Variants in SLC7A6 observed in about 807,000 individuals in gnomAD.
SLC7A6 encodes the protein Y+L amino acid transporter 2.
In SLC7A6, 29 loss-of-function variants were observed where a neutral mutation model predicts 46.6. The ratio of observed to expected loss-of-function variants is 0.62; its 90% CI spans 0.46 to 0.85. The LOEUF (loss-of-function observed/expected upper bound fraction) is 0.85. SLC7A6 is among the 40% of genes least tolerant of loss of function. The pLI, the probability that SLC7A6 is intolerant of heterozygous loss-of-function variation, is 0.00. For missense variants in SLC7A6, 527 were observed against 647.6 expected (o/e 0.81, Z 2.02); for synonymous variants, 276 against 257.3 (o/e 1.07, Z -0.70).
chr16:68,287,881 G>C lies in SLC7A6; in HGVS notation c.649+10G>C, dbSNP rs1223470197. ...GTTAAACTGTGCCAGGGTAAGTGGT[G>C]GGAAGGGGGGTACCACCAACAGTTC... On this transcript the variant is annotated intron_variant, in intron 4 of 10. Transcript: ENST00000219343. 1 of 1,612,596 alleles carries C rather than the reference G, an allele frequency of 6.2e-7. No individual in the cohort carries two copies. The highest frequency in any genetic ancestry group is 1.7e-5 in the Admixed American group (1 of 59,902).
In SLC7A6 at chr16:68,291,541, CT is replaced by C. The variant is rs754840129; in HGVS notation, c.919-16del. Reference sequence around the variant, plus strand: ...AACCCTGTGCGTTTAAGTGCCTTTTCTGTGCCCTGCCCCCAGACATTTGCTG... The same window carrying C: ...AACCCTGTGCGTTTAAGTGCCTTTTCGTGCCCTGCCCCCAGACATTTGCTG... On this transcript the variant is annotated splice_polypyrimidine_tract_variant and intron_variant, in intron 6 of 10. Transcript: ENST00000219343. 1.9e-6 allele frequency: 3 copies of C among 1,613,566 alleles called. No individual in the cohort carries two copies. Among genetic ancestry groups the C allele is most frequent in the Admixed American group, 3.3e-5 (2 of 59,994 alleles).
rs2043275801 is a variant in SLC7A6, at chr16:68,301,521, C to T, written c.*4193C>T. 1 of 770,682 alleles carries T rather than the reference C, an allele frequency of 1.3e-6. No individual in the cohort carries two copies. The highest frequency in any genetic ancestry group is 1.8e-5 in the African/African-American group (1 of 55,694). The allele number at this position is 770,682 out of a possible 1,614,324, so 47.7% of individuals were successfully genotyped here. A position where few individuals can be genotyped will look rare whatever the true frequency, so the allele number is the denominator to read the frequency against. ...TCCCGATTGTAATGCAAAATCCTTG[C>T]TCAATAAATAAAAAAGAATATAGAA... On this transcript the variant is annotated 3_prime_UTR_variant, in exon 11 of 11. Coordinates refer to ENST00000219343, the MANE Select transcript of SLC7A6 (RefSeq NM_003983.6).
Position 68,291,645 on chromosome 16 carries a change from A to G in SLC7A6, c.1006A>G (p.Ile336Val). The G allele has an allele frequency of 1.2e-6, 2 of 1,614,010 alleles. No homozygotes were observed. Among genetic ancestry groups the G allele is most frequent in the South Asian group, 1.1e-5 (1 of 91,066 alleles). Residue 336 changes from isoleucine (I) to valine (V), a missense_variant, in exon 7 of 11, where the codon ATC (isoleucine) becomes GTC (valine). By Grantham distance (29) the Ile-to-Val change is conservative. Coordinates refer to ENST00000219343, the MANE Select transcript of SLC7A6 (RefSeq NM_003983.6). ...CTGCTTTGGGGGCCTCAATGCATCC[A>G]TCTTTGCTTCATCAAGGTACTGTGT... ...LSCFGGLNASIFASSRLFFVG... is the reference protein window; with the variant it reads ...LSCFGGLNASVFASSRLFFVG...
rs765068796 is a variant in SLC7A6 at position 68,290,536 on chromosome 16, G to C, written c.790G>C (p.Glu264Gln). The change falls in exon 5 of 11, where the codon GAA becomes CAA. Residue 264 changes from glutamate (E) to glutamine (Q), a missense_variant. Coordinates refer to ENST00000219343, the MANE Select transcript of SLC7A6 (RefSeq NM_003983.6). ...TGTAACAGAAGAAATCAAAAACCCA[G>C]AAAGGTAAAGATGGGATCACACTCT... ...NFVTEEIKNP[E>Q]RNLPLAIGIS... The C allele has an allele frequency of 6.2e-7, 1 of 1,614,130 alleles. No homozygotes were observed. The highest frequency in any genetic ancestry group is 1.7e-5 in the Admixed American group (1 of 60,016).
chr16:68,274,654 T>C, intron 2 of SLC7A6, 37 bp from the exon 3 acceptor site: 1 of 1,561,370 alleles, frequency 6.4e-7, no homozygotes, highest in South Asian at 1.2e-5. Context: ...CCTCACCAGC[T>C]CCTGCCCTAG....
intron 2 of SLC7A6, among the ~76,000 whole-genome samples, chr16:68,267,593 A>G (rs1056625321): frequency 6.6e-6 from 1 of 152,230 alleles, no homozygotes; most frequent in Non-Finnish European, 1.5e-5. Flanking sequence ...AGAGGGGGGA[A>G]TAAAAAGATT....
rs369041629 is a variant in SLC7A6, at chr16:68,294,711, C to G, written c.1029C>G (p.Phe343Leu). 6 of 1,612,104 alleles carry G rather than the reference C, an allele frequency of 3.7e-6. No individual in the cohort carries two copies. The African/African-American group carries it at 8.0e-5, about 22-fold the overall frequency. ...NASIFASSRL[F>L]FVGSREGHLP... ...ACATTTCTCATCCTTCTAGGTTGTT[C>G]TTCGTGGGCTCCCGGGAGGGCCACC... The change falls in exon 8 of 11, where the codon TTC becomes TTG. Residue 343 changes from phenylalanine to leucine, a missense_variant. Physicochemically the swap from Phe to Leu is conservative, Grantham distance 22. Transcript: ENST00000219343.
At chr16:68,278,535 A>AGCATGCTGCCTTCG (rs2042761717) in intron 3 of SLC7A6, among the ~76,000 whole-genome samples, 4 of 151,006 alleles carry the variant, frequency 2.6e-5, no homozygotes, top group Admixed American at 2.6e-4. Flanking sequence ...TGCTGCCTTC[A>AGCATGCTGCCTTCG]AGCATCTGTT....
intron 10 of SLC7A6, 148 bp from the exon 11 acceptor site, chr16:68,297,086 G>A (rs74024440): frequency 0.047 from 35,089 of 740,620 alleles, 1,098 homozygotes; most frequent in Middle Eastern, 0.12. Flanking sequence ...GGATGATGAG[G>A]CTTGTTGGGA....
At chr16:68,277,466 C>T (rs1426240933) in intron 3 of SLC7A6, among the ~76,000 whole-genome samples, 10 of 151,328 alleles carry the variant, frequency 6.6e-5, no homozygotes, top group Admixed American at 6.6e-5. Context: ...CGCCCGCCAC[C>T]GTGCCCGGCT....
chr16:68,271,312 T>C (rs947694790), intron 2 of SLC7A6, among the ~76,000 whole-genome samples: 9 of 152,188 alleles, frequency 5.9e-5, no homozygotes, highest in African/African-American at 1.9e-4. Context: ...TTGTGCTTTT[T>C]GTTGTTTGTT....
At position 68,290,401 on chromosome 16, in the gene SLC7A6, T is replaced by C; in HGVS notation, c.655T>C (p.Ser219Pro). Reference sequence around the variant, plus strand: ...ACCTGCCTTTGCCCCCACAGGACACTCTGAGCACTTTCAGGACGCCTTTGA... The same window carrying C: ...ACCTGCCTTTGCCCCCACAGGACACCCTGAGCACTTTCAGGACGCCTTTGA... ...MGLVKLCQGH[S>P]EHFQDAFEGS... Residue 219 changes from serine to proline, a missense_variant, in exon 5 of 11, where the codon TCT becomes CCT. Physicochemically the swap from Ser to Pro is moderately conservative, Grantham distance 74. Coordinates refer to ENST00000219343, the MANE Select transcript of SLC7A6 (RefSeq NM_003983.6). 1 of 1,614,078 alleles carries C rather than the reference T, an allele frequency of 6.2e-7. No homozygotes were observed. The highest frequency in any genetic ancestry group is 8.5e-7 in the Non-Finnish European group (1 of 1,180,008).
intron 8 of SLC7A6, among the ~76,000 whole-genome samples, chr16:68,295,651 CTT>C (rs1296575795): frequency 6.6e-6 from 1 of 152,168 alleles, no homozygotes; most frequent in East Asian, 1.9e-4. Flanking sequence ...GTTTTAAATC[CTT>C]TGTTGATAAT....
At chr16:68,268,713 A>T (rs1175162904) in intron 2 of SLC7A6, among the ~76,000 whole-genome samples, 3 of 152,162 alleles carry the variant, frequency 2.0e-5, no homozygotes, top group Admixed American at 6.5e-5. Context: ...ATTTTTAAAA[A>T]TTTTTTTGTT....
chr16:68,265,551 C>A (rs1009600604), intron 1 of SLC7A6: 1 of 152,138 alleles, frequency 6.6e-6, no homozygotes, highest in Non-Finnish European at 1.5e-5. Flanking sequence ...TCTCTCAGAA[C>A]TGCTCCCAGA....
rs1459009004 is a variant in SLC7A6, at chr16:68,298,828, C to T, written c.*1500C>T. 6.6e-6 allele frequency: 1 copy of T among 152,548 alleles called. No individual in the cohort carries two copies. The highest frequency in any genetic ancestry group is 1.5e-5 in the Non-Finnish European group (1 of 68,130). 9.4% of individuals were successfully genotyped at this position (152,548 alleles called of 1,614,324 possible). On this transcript the variant is annotated 3_prime_UTR_variant, in exon 11 of 11. Transcript: ENST00000219343. ...TTGTACAACTGTTTTGTGATGCCCC[C>T]AGACACTGTCATCCTGGGCCGAGAA...
In SLC7A6 at chr16:68,291,301, C is replaced by A; in HGVS notation, c.887C>A (p.Ser296Ter). Residue 296 changes from serine to a stop codon, truncating the protein, a stop_gained, in exon 6 of 11, where the codon TCA (serine) becomes TAA (stop). Transcript: ENST00000219343. LOFTEE classifies it high-confidence loss of function. ...NVAYYTVLNISDVLSSDAVAV... is the reference protein window; with the variant it reads ...NVAYYTVLNI Reference sequence around the variant, plus strand: ...GCCTATTACACAGTGCTGAACATTTCAGATGTCCTTAGCAGTGATGCTGTG... The same window carrying A: ...GCCTATTACACAGTGCTGAACATTTAAGATGTCCTTAGCAGTGATGCTGTG... The A allele has an allele frequency of 6.2e-7, 1 of 1,614,204 alleles. No homozygotes were observed. Among genetic ancestry groups the A allele is most frequent in the Non-Finnish European group, 8.5e-7 (1 of 1,180,044 alleles).
chr16:68,273,434 T>C (rs2042655379), intron 2 of SLC7A6, among the ~76,000 whole-genome samples: 1 of 152,004 alleles, frequency 6.6e-6, no homozygotes, highest in East Asian at 1.9e-4. Flanking sequence ...TGAGATGGGA[T>C]CAAAGGATCA....
chr16:68,268,938 C>T (rs908833794), intron 2 of SLC7A6, among the ~76,000 whole-genome samples: 18 of 151,830 alleles, frequency 1.2e-4, no homozygotes, highest in Admixed American at 6.6e-4. Context: ...ACCCAGGAGG[C>T]GGAGGTTGCA....
Sources: gnomAD v4.1 joint callset for allele counts (sites outside exome capture counted in the v4.1 genomes callset) on GRCh38, gnomAD v4.1.1 for gene constraint, MANE v1.5 for transcripts, NCBI Gene and HGNC (gene_info 2026-07-23, HGNC 2026-07-21) for gene names.